SETBP1: variants seen among roughly 807,000 people sequenced by gnomAD.
SETBP1 encodes SET binding protein 1.
A neutral mutation model predicts 101.0 loss-of-function variants in SETBP1; 9 were observed. The ratio of observed to expected loss-of-function variants is 0.09; its 90% CI spans 0.05 to 0.16. The LOEUF is 0.16. Ranked by LOEUF, SETBP1 falls within the 10% of genes least tolerant of loss-of-function variation. The probability of loss-of-function intolerance (pLI) is 1.00; values close to 1 mark genes in which losing one functional copy is unlikely to be tolerated. For missense variants in SETBP1, 1,858 were observed against 2,033.8 expected (o/e 0.91, Z 1.66); for synonymous variants, 818 against 788.5 (o/e 1.04, Z -0.63).
intron 4 of SETBP1, among the ~76,000 whole-genome samples, chr18:45,005,035 CAG>C (rs1213485870): frequency 6.6e-6 from 1 of 152,148 alleles, no homozygotes; most frequent in Non-Finnish European, 1.5e-5. Flanking sequence ...AAGTGATCTG[CAG>C]AGTCCTATAA....
intron 3 of SETBP1, among the ~76,000 whole-genome samples, chr18:44,937,361 A>G (rs2070984135): frequency 1.3e-5 from 2 of 148,668 alleles, no homozygotes; most frequent in African/African-American, 4.9e-5. Context: ...AGGCTGAGGC[A>G]GGAGAATGGC....
intron 2 of SETBP1, among the ~76,000 whole-genome samples, chr18:44,806,295 C>A (rs979102949): frequency 2.0e-5 from 3 of 152,164 alleles, no homozygotes; most frequent in Non-Finnish European, 4.4e-5. Flanking sequence ...GCCTGTGAAT[C>A]TGTCTTCTGC....
intron 2 of SETBP1, among the ~76,000 whole-genome samples, chr18:44,849,879 A>G (rs186410152): frequency 1.3e-5 from 2 of 152,350 alleles, no homozygotes; most frequent in African/African-American, 2.4e-5. Flanking sequence ...TTAAAAGTTT[A>G]TTATTATAAT....
chr18:45,021,560 TG>T (rs1257423805), intron 4 of SETBP1, among the ~76,000 whole-genome samples: 12 of 152,316 alleles, frequency 7.9e-5, no homozygotes, highest in African/African-American at 2.6e-4. Context: ...AATTGGAGAA[TG>T]AGCATTATAG....
intron 4 of SETBP1, among the ~76,000 whole-genome samples, chr18:45,024,970 A>G (rs1599462644): frequency 6.6e-6 from 1 of 152,246 alleles, no homozygotes; most frequent in East Asian, 1.9e-4. Flanking sequence ...AAATGAGCCC[A>G]ATGTGAAGGG....
intron 1 of SETBP1, among the ~76,000 whole-genome samples, chr18:44,695,404 G>A (rs373303809): frequency 9.2e-5 from 14 of 152,250 alleles, no homozygotes; most frequent in African/African-American, 3.4e-4. Flanking sequence ...CTAACATAAT[G>A]AAAAAGAAAG....
intron 2 of SETBP1, among the ~76,000 whole-genome samples, chr18:44,767,347 C>A (rs2070782079): frequency 6.6e-6 from 1 of 152,198 alleles, no homozygotes; most frequent in Non-Finnish European, 1.5e-5. Flanking sequence ...CACAATCCTG[C>A]AGCTATTAAG....
intron 4 of SETBP1, among the ~76,000 whole-genome samples, chr18:44,998,970 T>A (rs1266561115): frequency 6.6e-6 from 1 of 152,234 alleles, no homozygotes; most frequent in Non-Finnish European, 1.5e-5. Context: ...AAGCTACTAA[T>A]GTTAACTTTA....
intron 2 of SETBP1, among the ~76,000 whole-genome samples, chr18:44,744,174 G>A (rs2070166121): frequency 6.6e-6 from 1 of 152,220 alleles, no homozygotes; most frequent in Non-Finnish European, 1.5e-5. Flanking sequence ...CCAGTGCAGC[G>A]TTGAGTCTCA....
chr18:44,750,614 C>T (rs767997744), intron 2 of SETBP1, among the ~76,000 whole-genome samples: 6 of 152,066 alleles, frequency 3.9e-5, no homozygotes, highest in Non-Finnish European at 5.9e-5. Context: ...GGCAGTCATC[C>T]GATGGATGTT....
chr18:44,946,803 C>T (rs2071217835), intron 3 of SETBP1, among the ~76,000 whole-genome samples: 1 of 152,046 alleles, frequency 6.6e-6, no homozygotes, highest in African/African-American at 2.4e-5. Context: ...GAAAAGGAGA[C>T]AGAAAAGTAC....
At chr18:44,875,023 G>A (rs2069364450) in intron 3 of SETBP1, among the ~76,000 whole-genome samples, 1 of 152,120 alleles carries the variant, frequency 6.6e-6, no homozygotes, top group Non-Finnish European at 1.5e-5. Flanking sequence ...GCTACAGATG[G>A]GTATTCCTAC....
chr18:44,995,528 T>TG (rs1228934824), intron 4 of SETBP1, among the ~76,000 whole-genome samples: 61 of 132,400 alleles, frequency 4.6e-4, no homozygotes, highest in Non-Finnish European at 6.3e-4. Context: ...TGTCCAGGCT[T>TG]TTGTGTGTGT....
chr18:44,989,727 G>A (rs2072315678), intron 4 of SETBP1, among the ~76,000 whole-genome samples: 1 of 150,934 alleles, frequency 6.6e-6, no homozygotes, highest in South Asian at 2.1e-4. Flanking sequence ...AAATTAGCCG[G>A]GCATAGTGGC....
intron 3 of SETBP1, among the ~76,000 whole-genome samples, chr18:44,921,231 G>C (rs371431496): frequency 6.6e-6 from 1 of 152,198 alleles, no homozygotes; most frequent in African/African-American, 2.4e-5. Context: ...TGTAATAAAT[G>C]ATGCTTAAAC....
Position 44,858,098 on chromosome 18 carries a change from T to C in SETBP1, c.487-11132T>C, listed in dbSNP as rs148530283. The stretch of plus-strand genomic sequence containing the variant: ...ATTTTTAACAAAGGACGAGGAAGTA[T>C]ACATGCCAAGGAGCCAGACTTCCTT... On this transcript the variant is annotated intron_variant, in intron 2 of 5. Transcript: ENST00000649279. Among the ~76,000 whole-genome samples, 1,005 of 152,260 alleles carry C rather than the reference T, an allele frequency of 6.6e-3. 12 individuals carry two copies. Among genetic ancestry groups the C allele is most frequent in the African/African-American group, 0.022 (934 of 41,544 alleles).
At chr18:45,043,822 G>A (rs922221895) in intron 5 of SETBP1, among the ~76,000 whole-genome samples, 3 of 152,054 alleles carry the variant, frequency 2.0e-5, no homozygotes, top group African/African-American at 7.3e-5. Context: ...AATAATAGTG[G>A]GAATTCTTAA....
At chr18:45,062,647 CT>C (rs2073907604) in intron 5 of SETBP1, among the ~76,000 whole-genome samples, 1 of 152,154 alleles carries the variant, frequency 6.6e-6, no homozygotes. Context: ...AAGTCTAATC[CT>C]TTGCTAAATT....
intron 2 of SETBP1, among the ~76,000 whole-genome samples, chr18:44,801,971 C>T (rs2144779777): frequency 6.6e-6 from 1 of 152,240 alleles, no homozygotes; most frequent in East Asian, 1.9e-4. Context: ...CTCAGCCCTT[C>T]AGTCCAGCCC....
Sources: allele counts gnomAD v4.1 joint callset (sites outside exome capture counted in the v4.1 genomes callset), GRCh38; gene constraint gnomAD v4.1.1; transcripts MANE v1.5; gene names NCBI Gene and HGNC (gene_info 2026-07-23, HGNC 2026-07-21).